ROBO1: variants seen among roughly 807,000 people sequenced by gnomAD.
ROBO1 encodes roundabout guidance receptor 1, also known as roundabout homolog 1.
Under a neutral mutation model 195.9 loss-of-function variants are expected in ROBO1, and 149 were observed. That is an observed-to-expected ratio of 0.76 (90% CI 0.67 to 0.87). ROBO1 has a LOEUF of 0.87. Ranked by LOEUF, ROBO1 falls within the 40% of genes least tolerant of loss-of-function variation. The pLI is 0.00. For missense variants in ROBO1, 1,933 were observed against 2,068.3 expected (o/e 0.93, Z 1.27); for synonymous variants, 816 against 733.2 (o/e 1.11, Z -1.82).
intron 1 of ROBO1, among the ~76,000 whole-genome samples, chr3:79,692,061 A>G (rs989998790): frequency 6.6e-6 from 1 of 151,916 alleles, no homozygotes; most frequent in Non-Finnish European, 1.5e-5. Context: ...GGTAGACAGG[A>G]CTATAAAGCT....
intron 2 of ROBO1, among the ~76,000 whole-genome samples, chr3:79,334,652 A>T (rs978161183): frequency 6.6e-6 from 1 of 152,044 alleles, no homozygotes; most frequent in African/African-American, 2.4e-5. Flanking sequence ...ATATATTGGA[A>T]AGCACTAACA....
At chr3:79,102,312 C>T (rs2079692185) in intron 3 of ROBO1, among the ~76,000 whole-genome samples, 1 of 151,656 alleles carries the variant, frequency 6.6e-6, no homozygotes, top group African/African-American at 2.4e-5. Context: ...TGAACGACTA[C>T]AGATACAAGG....
intron 2 of ROBO1, among the ~76,000 whole-genome samples, chr3:79,457,893 A>T (rs2039674615): frequency 1.3e-5 from 2 of 152,190 alleles, no homozygotes; most frequent in African/African-American, 4.8e-5. Flanking sequence ...AGAAGAAAGA[A>T]AGAATGATAC....
At chr3:79,516,550 GTC>G (rs1386009102) in intron 2 of ROBO1, among the ~76,000 whole-genome samples, 3 of 151,994 alleles carry the variant, frequency 2.0e-5, no homozygotes, top group African/African-American at 7.3e-5. Flanking sequence ...CTTTGCCATA[GTC>G]TCTTTGTTTA....
Position 78,679,752 on chromosome 3 carries a change from C to T in ROBO1, c.1342+5994G>A, listed in dbSNP as rs533667302. Reference sequence around the variant, plus strand: ...AATCAATATCGTGAAAATGGCCATACTGCCCAAGGTAATTTATAGATTCAA... The same window carrying T: ...AATCAATATCGTGAAAATGGCCATATTGCCCAAGGTAATTTATAGATTCAA... On this transcript the variant is annotated intron_variant, in intron 10 of 30. Coordinates refer to ENST00000464233, the MANE Select transcript of ROBO1 (RefSeq NM_002941.4). 2.0e-5 allele frequency among the ~76,000 whole-genome samples: 3 copies of T among 152,296 alleles called. No individual in the cohort carries two copies. In the East Asian group the frequency reaches 5.8e-4, roughly 29 times the overall value.
intron 1 of ROBO1, among the ~76,000 whole-genome samples, chr3:79,623,622 A>G (rs1454903130): frequency 6.6e-6 from 1 of 152,182 alleles, no homozygotes. Context: ...TTATTAAAAC[A>G]AGACATGCAG....
At chr3:78,699,442 G>A (rs1397742613) in intron 8 of ROBO1, among the ~76,000 whole-genome samples, 4 of 149,046 alleles carry the variant, frequency 2.7e-5, no homozygotes, top group African/African-American at 4.9e-5. Flanking sequence ...GGTGGTGGGT[G>A]CCTGTAATCC....
chr3:79,662,878 G>A (rs1161176520), intron 1 of ROBO1, among the ~76,000 whole-genome samples: 2 of 152,008 alleles, frequency 1.3e-5, no homozygotes, highest in Non-Finnish European at 2.9e-5. Context: ...AAGGAAGTAT[G>A]AGTCCAAGAA....
intron 2 of ROBO1, among the ~76,000 whole-genome samples, chr3:79,575,362 T>TATAACAAATATATATAAATATAG (rs1280698404): frequency 2.4e-5 from 3 of 127,090 alleles, no homozygotes; most frequent in Admixed American, 8.9e-5. Context: ...TAAATATGTA[T>TATAACAAATATATATAAATATAG]ATAACAAATA....
Position 79,021,003 on chromosome 3 carries a change from G to T in ROBO1, c.173-82076C>A, listed in dbSNP as rs567545501. ...AAAATTTAAAAGCAAATTGTACATT[G>T]ATTTTGGTTGCTGCTGGTGCAACCA... On this transcript the variant is annotated intron_variant, in intron 3 of 30. Transcript: ENST00000464233. Among the ~76,000 whole-genome samples the T allele has an allele frequency of 1.6e-4, 24 of 152,190 alleles. No individual in the cohort carries two copies. The South Asian group carries it at 2.7e-3, about 17-fold the overall frequency.
At chr3:79,541,332 T>C (rs1313770622) in intron 2 of ROBO1, among the ~76,000 whole-genome samples, 1 of 152,104 alleles carries the variant, frequency 6.6e-6, no homozygotes, top group African/African-American at 2.4e-5. Context: ...TTTCTGCTAC[T>C]GACTTTTATT....
chr3:78,629,905 A>G (rs1473063153), intron 25 of ROBO1, among the ~76,000 whole-genome samples: 1 of 152,134 alleles, frequency 6.6e-6, no homozygotes, highest in Non-Finnish European at 1.5e-5. Flanking sequence ...CAGTTCTCAC[A>G]CGGTAAACAA....
intron 1 of ROBO1, among the ~76,000 whole-genome samples, chr3:79,757,493 C>T (rs1405131182): frequency 1.4e-5 from 2 of 144,370 alleles, no homozygotes; most frequent in African/African-American, 5.5e-5. Context: ...TTCTTTCTCT[C>T]TCTCTCTCTC....
chr3:79,510,003 CA>C lies in ROBO1; in HGVS notation c.88+79820del, dbSNP rs919221494. ...TCTGAGATATGAACTACTATAATCA[CA>C]AAAAAAAAACCAACCATTCATACAA... On this transcript the variant is annotated intron_variant, in intron 2 of 30. Coordinates refer to ENST00000464233, the MANE Select transcript of ROBO1 (RefSeq NM_002941.4). 3.8e-3 allele frequency among the ~76,000 whole-genome samples: 548 copies of C among 144,860 alleles called. 2 individuals are homozygous for C. The highest frequency in any genetic ancestry group is 0.012 in the African/African-American group (487 of 39,614).
At chr3:79,187,212 C>G (rs2081456301) in intron 2 of ROBO1, among the ~76,000 whole-genome samples, 1 of 151,934 alleles carries the variant, frequency 6.6e-6, no homozygotes, top group Non-Finnish European at 1.5e-5. Context: ...TATGGAAAAA[C>G]TTTCTGAGCA....
intron 3 of ROBO1, among the ~76,000 whole-genome samples, chr3:78,955,269 G>A (rs980749823): frequency 6.6e-6 from 1 of 151,602 alleles, no homozygotes; most frequent in Non-Finnish European, 1.5e-5. Context: ...CAGGTAAACT[G>A]TGTGTCATGG....
chr3:79,439,705 T>C (rs576887405), intron 2 of ROBO1, among the ~76,000 whole-genome samples: 10 of 152,278 alleles, frequency 6.6e-5, no homozygotes, highest in African/African-American at 2.4e-4. Flanking sequence ...CCGCAATACA[T>C]CATTTTCAGA....
At chr3:79,359,160 T>C (rs1016791925) in intron 2 of ROBO1, among the ~76,000 whole-genome samples, 1 of 152,034 alleles carries the variant, frequency 6.6e-6, no homozygotes, top group East Asian at 1.9e-4. Flanking sequence ...TATCTTAAAC[T>C]AGATTAATTT....
chr3:78,732,566 T>C (rs1017710243), intron 5 of ROBO1, among the ~76,000 whole-genome samples: 4 of 152,254 alleles, frequency 2.6e-5, no homozygotes, highest in Non-Finnish European at 5.9e-5. Flanking sequence ...TAAAGGTTAA[T>C]CAGAATATTT....
Sources: gnomAD v4.1 joint callset for allele counts (sites outside exome capture counted in the v4.1 genomes callset) on GRCh38, gnomAD v4.1.1 for gene constraint, MANE v1.5 for transcripts, NCBI Gene and HGNC (gene_info 2026-07-23, HGNC 2026-07-21) for gene names.